Variants in ST7 observed in about 807,000 individuals in gnomAD.
The protein encoded by ST7 is suppressor of tumorigenicity 7 protein.
In ST7, 28 loss-of-function variants were observed where a neutral mutation model predicts 78.7. The ratio of observed to expected loss-of-function variants is 0.36; its 90% CI spans 0.26 to 0.49. ST7 has a LOEUF of 0.49. ST7 is among the 20% of genes least tolerant of loss of function. The probability of loss-of-function intolerance (pLI) is 0.99; values close to 1 mark genes in which losing one functional copy is unlikely to be tolerated. For synonymous variants in ST7, 247 were observed against 249.6 expected (o/e 0.99, Z 0.10); for missense variants, 418 against 696.0 (o/e 0.60, Z 4.49).
intron 9 of ST7, among the ~76,000 whole-genome samples, chr7:117,159,935 C>T (rs1357511212): frequency 6.6e-6 from 1 of 151,896 alleles, no homozygotes; most frequent in South Asian, 2.1e-4. Flanking sequence ...GGCGCGGTAG[C>T]TCATGCCTGT....
intron 1 of ST7, chr7:117,074,616 T>TA (rs1799214377): frequency 6.6e-6 from 1 of 152,250 alleles, no homozygotes; most frequent in African/African-American, 2.4e-5. Flanking sequence ...AGTCATTAGA[T>TA]ACACTGTGAC....
intron 1 of ST7, among the ~76,000 whole-genome samples, chr7:116,981,599 T>C (rs1178408559): frequency 6.6e-6 from 1 of 152,258 alleles, no homozygotes; most frequent in Non-Finnish European, 1.5e-5. Flanking sequence ...TTCTCTTTTG[T>C]AGATAACAAG....
intron 1 of ST7, among the ~76,000 whole-genome samples, chr7:116,989,792 T>C (rs1055428570): frequency 6.6e-6 from 1 of 152,162 alleles, no homozygotes; most frequent in Non-Finnish European, 1.5e-5. Context: ...TGAAGTTTGA[T>C]TGTGCCAGTG....
At chr7:117,015,005 G>A in intron 1 of ST7, 1 of 1,335,398 alleles carries the variant, frequency 7.5e-7, no homozygotes, top group Non-Finnish European at 9.8e-7. Flanking sequence ...CTTCATTATG[G>A]ATTATACAGG....
chr7:117,205,007 G>T (rs1268983067), intron 12 of ST7, among the ~76,000 whole-genome samples: 2 of 152,192 alleles, frequency 1.3e-5, no homozygotes, highest in African/African-American at 2.4e-5. Flanking sequence ...GTTCAAGGCT[G>T]CAGTGAGCTA....
chr7:117,175,401 T>C (rs1808277771), intron 10 of ST7, among the ~76,000 whole-genome samples: 1 of 152,236 alleles, frequency 6.6e-6, no homozygotes, highest in African/African-American at 2.4e-5. Context: ...ATATGTTTCT[T>C]ATTCATTGTC....
chr7:117,042,974 A>AT (rs1435098906), intron 1 of ST7, among the ~76,000 whole-genome samples: 2 of 152,062 alleles, frequency 1.3e-5, no homozygotes, highest in African/African-American at 4.8e-5. Flanking sequence ...TTCATACATA[A>AT]TTTTTTTACT....
At chr7:117,101,082 G>T (rs1030084688) in intron 2 of ST7, among the ~76,000 whole-genome samples, 13 of 152,154 alleles carry the variant, frequency 8.5e-5, no homozygotes, top group Non-Finnish European at 1.6e-4. Flanking sequence ...GAAATGTATG[G>T]AGGACAGAAA....
intron 1 of ST7, chr7:116,958,736 A>G: frequency 2.1e-6 from 1 of 469,796 alleles, no homozygotes; most frequent in South Asian, 1.6e-5. Flanking sequence ...AGTTATAGTC[A>G]CACTATATTG....
chr7:117,173,533 G>A (rs1808151989), intron 10 of ST7: 1 of 152,284 alleles, frequency 6.6e-6, no homozygotes, highest in South Asian at 2.1e-4. Context: ...CGTCTACTGA[G>A]TTGCTGGTTC....
At chr7:117,220,988 G>A (rs1247138860) in intron 14 of ST7, among the ~76,000 whole-genome samples, 2 of 152,084 alleles carry the variant, frequency 1.3e-5, no homozygotes, top group Non-Finnish European at 2.9e-5. Flanking sequence ...GGAGCCCTCT[G>A]GTCCTCTTGG....
chr7:116,980,117 C>G (rs976496789), intron 1 of ST7, among the ~76,000 whole-genome samples: 1 of 151,886 alleles, frequency 6.6e-6, no homozygotes, highest in African/African-American at 2.4e-5. Context: ...CATCACAACT[C>G]CCGGCGAATT....
Position 117,229,943 on chromosome 7 carries a change from CTT to C in ST7, c.*88_*89del. The C allele has an allele frequency of 1.7e-6, 2 of 1,198,664 alleles. No individual in the cohort carries two copies. The highest frequency in any genetic ancestry group is 2.5e-6 in the Non-Finnish European group (2 of 800,682). The allele number at this position is 1,198,664 out of a possible 1,614,324, so 74.3% of individuals were successfully genotyped here. ...CCTTGTGGACCGCAAGAAAGCATGA[CTT>C]TGAAAAAGGGAAGCCATTCCGAGAT... On this transcript the variant is annotated 3_prime_UTR_variant, in exon 16 of 16. Transcript: ENST00000323984.
At chr7:117,193,204 A>G (rs1435051220) in intron 12 of ST7, among the ~76,000 whole-genome samples, 1 of 148,184 alleles carries the variant, frequency 6.7e-6, no homozygotes, top group Non-Finnish European at 1.5e-5. Context: ...GGCAGTGAAT[A>G]ATAGTCTTAG....
At chr7:117,154,294 C>T (rs968174707) in intron 9 of ST7, among the ~76,000 whole-genome samples, 4 of 152,160 alleles carry the variant, frequency 2.6e-5, no homozygotes, top group South Asian at 2.1e-4. Context: ...GGGCCCTCAC[C>T]GGAAGCCAAA....
At position 117,211,438 on chromosome 7, in the gene ST7, T is replaced by G. The variant is rs3808198; in HGVS notation, c.1405+1501T>G. On this transcript the variant is annotated intron_variant, in intron 13 of 15. Coordinates refer to ENST00000323984, the MANE Select transcript of ST7 (RefSeq NM_001369598.1). ...AGAAAGGAAACACAATACATGTTTATTTAAGCATGAGAAAGAGACAGAAAA... is the reference window on the plus strand; with the variant it reads ...AGAAAGGAAACACAATACATGTTTAGTTAAGCATGAGAAAGAGACAGAAAA... 1.0e-3 allele frequency among the ~76,000 whole-genome samples: 153 copies of G among 152,340 alleles called. 1 individual carries two copies. In the East Asian group the frequency reaches 0.024, roughly 24 times the overall value.
rs957474936 is a variant in ST7 at position 117,101,471 on chromosome 7, G to C, written c.234+1627G>C. ...GCTCAGTATGTGCTTCTGGAGCCAGGAGTTAGAATCCCTGAGTTCGTTGTT... is the reference window on the plus strand; with the variant it reads ...GCTCAGTATGTGCTTCTGGAGCCAGCAGTTAGAATCCCTGAGTTCGTTGTT... On this transcript the variant is annotated intron_variant, in intron 2 of 15. Coordinates refer to ENST00000323984, the MANE Select transcript of ST7 (RefSeq NM_001369598.1). Among the ~76,000 whole-genome samples the C allele has an allele frequency of 3.9e-5, 6 of 152,164 alleles. No individual in the cohort carries two copies. The East Asian group carries it at 1.2e-3, about 29-fold the overall frequency.
intron 9 of ST7, among the ~76,000 whole-genome samples, chr7:117,148,330 T>C (rs1166219590): frequency 6.6e-6 from 1 of 152,194 alleles, no homozygotes; most frequent in Non-Finnish European, 1.5e-5. Context: ...CTCTAACTTA[T>C]TGTGATTCAT....
chr7:117,014,882 C>T, intron 1 of ST7: 2 of 757,068 alleles, frequency 2.6e-6, no homozygotes, highest in Non-Finnish European at 3.7e-6. Context: ...TGTGGGTGTG[C>T]TTCATGTCAC....
Sources: gnomAD v4.1 joint callset for allele counts (sites outside exome capture counted in the v4.1 genomes callset) on GRCh38, gnomAD v4.1.1 for gene constraint, MANE v1.5 for transcripts, NCBI Gene and HGNC (gene_info 2026-07-23, HGNC 2026-07-21) for gene names.